The following EYS variants were observed in gnomAD, a reference collection of about 807,000 sequenced individuals.
EYS encodes the protein protein eyes shut homolog.
In EYS, 250 loss-of-function variants were observed where a neutral mutation model predicts 282.1. The ratio of observed to expected loss-of-function variants is 0.89; its 90% CI spans 0.80 to 0.98. EYS has a LOEUF of 0.98. Ranked by LOEUF, EYS falls within the 50% of genes least tolerant of loss-of-function variation. The pLI, the probability that EYS is intolerant of heterozygous loss-of-function variation, is 0.00. For synonymous variants in EYS, 1,355 were observed against 1,282.9 expected (o/e 1.06, Z -1.20); for missense variants, 4,016 against 3,709.0 (o/e 1.08, Z -2.15).
intron 19 of EYS, among the ~76,000 whole-genome samples, chr6:64,863,748 T>C (rs923334546): frequency 6.6e-6 from 1 of 152,200 alleles, no homozygotes; most frequent in African/African-American, 2.4e-5. Context: ...ATTTATCTCA[T>C]AGTTTTCCAG....
chr6:64,452,684 G>A (rs1562003635), intron 26 of EYS, among the ~76,000 whole-genome samples: 1 of 152,120 alleles, frequency 6.6e-6, no homozygotes, highest in Non-Finnish European at 1.5e-5. Flanking sequence ...GAACAGAATA[G>A]AGCCCTCAGA....
chr6:65,523,765 G>T (rs2127300473), intron 2 of EYS, among the ~76,000 whole-genome samples: 1 of 152,300 alleles, frequency 6.6e-6, no homozygotes, highest in East Asian at 1.9e-4. Context: ...ATCAGGGGTA[G>T]TCTACGTTAT....
chr6:64,206,392 C>A (rs2150325008), intron 31 of EYS, among the ~76,000 whole-genome samples: 1 of 152,202 alleles, frequency 6.6e-6, no homozygotes, highest in East Asian at 1.9e-4. Flanking sequence ...ATTCAAATAA[C>A]TTTTTGAAAC....
chr6:64,324,752 C>T (rs1424918258), intron 29 of EYS, among the ~76,000 whole-genome samples: 2 of 152,278 alleles, frequency 1.3e-5, no homozygotes, highest in East Asian at 3.9e-4. Context: ...GGACCTGATA[C>T]ATAATTTTAG....
intron 14 of EYS, among the ~76,000 whole-genome samples, chr6:64,958,522 T>C (rs968997493): frequency 6.6e-6 from 1 of 150,852 alleles, no homozygotes; most frequent in Non-Finnish European, 1.5e-5. Flanking sequence ...CCGAGGCGGG[T>C]GGATCACGAG....
intron 12 of EYS, among the ~76,000 whole-genome samples, chr6:65,181,086 C>T (rs1320079408): frequency 6.6e-6 from 1 of 152,110 alleles, no homozygotes; most frequent in African/African-American, 2.4e-5. Context: ...AAATGTTAGA[C>T]CTGAAACCAT....
chr6:65,237,501 G>T (rs754173072), intron 12 of EYS, among the ~76,000 whole-genome samples: 13 of 152,164 alleles, frequency 8.5e-5, no homozygotes, highest in Admixed American at 7.9e-4. Context: ...GGGGATTAAA[G>T]AAGTGACAGT....
intron 36 of EYS, among the ~76,000 whole-genome samples, chr6:63,820,314 A>AT (rs1179415148): frequency 5.3e-5 from 8 of 151,884 alleles, no homozygotes; most frequent in Non-Finnish European, 1.5e-5. Context: ...TTTTTCTTTG[A>AT]TTTTATCTTT....
At chr6:65,070,668 G>A (rs1047753501) in intron 12 of EYS, among the ~76,000 whole-genome samples, 1 of 151,600 alleles carries the variant, frequency 6.6e-6, no homozygotes. Flanking sequence ...CTTATTTTGA[G>A]AAATCTTCTT....
In EYS at chr6:65,213,451, T is replaced by C. The variant is rs530950818; in HGVS notation, c.2023+82412A>G. Among the ~76,000 whole-genome samples the C allele has an allele frequency of 1.8e-4, 27 of 152,334 alleles. 1 individual carries two copies. The highest frequency in any genetic ancestry group is 4.8e-4 in the African/African-American group (20 of 41,586). On this transcript the variant is annotated intron_variant, in intron 12 of 42. Coordinates refer to ENST00000503581, the MANE Select transcript of EYS (RefSeq NM_001142800.2). Reference sequence around the variant, plus strand: ...ACAAATGGAATGTTTGTGGAAACCCTGCACTGAGCATGTATTGGCTTTTCC... The same window carrying C: ...ACAAATGGAATGTTTGTGGAAACCCCGCACTGAGCATGTATTGGCTTTTCC...
At chr6:65,001,244 G>T (rs1259833844) in intron 13 of EYS, among the ~76,000 whole-genome samples, 1 of 147,582 alleles carries the variant, frequency 6.8e-6, no homozygotes, top group African/African-American at 2.4e-5. Context: ...GGAAGATTCG[G>T]GTCACACATG....
intron 31 of EYS, among the ~76,000 whole-genome samples, chr6:64,176,007 T>C (rs144427452): frequency 0.011 from 1,735 of 152,080 alleles, 40 homozygotes; most frequent in African/African-American, 0.04. Context: ...GGATAAGGAA[T>C]GTTTGGGTGG....
At chr6:65,497,016 T>A (rs893459888) in intron 2 of EYS, among the ~76,000 whole-genome samples, 1 of 152,012 alleles carries the variant, frequency 6.6e-6, no homozygotes, top group Non-Finnish European at 1.5e-5. Flanking sequence ...ATAACACAAA[T>A]ATGCATATAG....
intron 35 of EYS, among the ~76,000 whole-genome samples, chr6:63,978,734 C>T (rs989494704): frequency 2.0e-4 from 30 of 151,910 alleles, no homozygotes; most frequent in African/African-American, 7.0e-4. Context: ...GACCTGATAT[C>T]CTGTCTTTAT....
At chr6:64,549,313 T>C (rs1044758542) in intron 26 of EYS, among the ~76,000 whole-genome samples, 1 of 152,202 alleles carries the variant, frequency 6.6e-6, no homozygotes, top group African/African-American at 2.4e-5. Flanking sequence ...ATGCCAATGG[T>C]ACTGCTATAA....
chr6:63,931,902 T>C lies in EYS; in HGVS notation c.7055+52481A>G, dbSNP rs1031544668. 3.9e-5 allele frequency among the ~76,000 whole-genome samples: 6 copies of C among 152,224 alleles called. No homozygotes were observed. In the South Asian group the frequency reaches 1.2e-3, roughly 31 times the overall value. On this transcript the variant is annotated intron_variant, in intron 35 of 42. Coordinates refer to ENST00000503581, the MANE Select transcript of EYS (RefSeq NM_001142800.2). Reference sequence around the variant, plus strand: ...CTATCTAACTGTAATTTTGTATTGTTACCCAGTCTCTCTTCATCCTCCTCT... The same window carrying C: ...CTATCTAACTGTAATTTTGTATTGTCACCCAGTCTCTCTTCATCCTCCTCT...
chr6:65,290,994 T>C (rs1046577567), intron 12 of EYS, among the ~76,000 whole-genome samples: 4 of 151,318 alleles, frequency 2.6e-5, no homozygotes, highest in African/African-American at 9.7e-5. Flanking sequence ...AGAAATTTGA[T>C]CAAATGGTAT....
chr6:63,938,917 T>A (rs909634659), intron 35 of EYS, among the ~76,000 whole-genome samples: 2 of 150,752 alleles, frequency 1.3e-5, no homozygotes, highest in African/African-American at 5.0e-5. Flanking sequence ...GTGAACTAAA[T>A]AACAGAAATC....
At chr6:64,652,230 T>C (rs1283848598) in intron 22 of EYS, among the ~76,000 whole-genome samples, 1 of 152,172 alleles carries the variant, frequency 6.6e-6, no homozygotes, top group African/African-American at 2.4e-5. Flanking sequence ...AAATGTCACT[T>C]TGTGATCAAG....
Sources: allele counts gnomAD v4.1 joint callset (sites outside exome capture counted in the v4.1 genomes callset), GRCh38; gene constraint gnomAD v4.1.1; transcripts MANE v1.5; gene names NCBI Gene and HGNC (gene_info 2026-07-23, HGNC 2026-07-21).